ANO2: variants seen among roughly 807,000 people sequenced by gnomAD.
The protein encoded by ANO2 is anoctamin 2.
ANO2 carries 101 observed loss-of-function variants against 124.2 expected under a neutral mutation model. The ratio of observed to expected loss-of-function variants is 0.81; its 90% CI spans 0.69 to 0.96. The LOEUF is 0.96. Ranked by LOEUF, ANO2 falls within the 40% of genes least tolerant of loss-of-function variation. The probability of loss-of-function intolerance (pLI) is 0.00; values close to 1 mark genes in which losing one functional copy is unlikely to be tolerated. For missense variants in ANO2, 1,293 were observed against 1,274.5 expected (o/e 1.01, Z -0.22); for synonymous variants, 486 against 482.5 (o/e 1.01, Z -0.09).
At chr12:5,608,121 A>G (rs1331335304) in intron 19 of ANO2, among the ~76,000 whole-genome samples, 6 of 151,918 alleles carry the variant, frequency 3.9e-5, no homozygotes, top group African/African-American at 7.3e-5. Flanking sequence ...TATAATTTAC[A>G]TGACTCCTTC....
chr12:5,839,385 CCT>C (rs1468523544), intron 4 of ANO2, among the ~76,000 whole-genome samples: 1 of 152,106 alleles, frequency 6.6e-6, no homozygotes, highest in Non-Finnish European at 1.5e-5. Flanking sequence ...AGGAAAATTC[CCT>C]GATTCACAGG....
intron 3 of ANO2, among the ~76,000 whole-genome samples, chr12:5,909,923 A>C (rs559343638): frequency 2.3e-4 from 35 of 152,264 alleles, no homozygotes; most frequent in African/African-American, 5.3e-4. Flanking sequence ...AAATCTATGG[A>C]CCCTACTCAG....
At chr12:5,863,427 G>A (rs1955334067) in intron 3 of ANO2, among the ~76,000 whole-genome samples, 1 of 152,342 alleles carries the variant, frequency 6.6e-6, no homozygotes, top group East Asian at 1.9e-4. Flanking sequence ...TGGAGCCTGA[G>A]GACCAGGCCT....
chr12:5,700,423 TG>T (rs1949355841), intron 14 of ANO2, among the ~76,000 whole-genome samples: 2 of 152,178 alleles, frequency 1.3e-5, no homozygotes, highest in South Asian at 4.1e-4. Context: ...CCAGAATCTC[TG>T]GGAGACATTT....
intron 10 of ANO2, among the ~76,000 whole-genome samples, chr12:5,763,784 G>A (rs1430592840): frequency 1.3e-5 from 2 of 151,940 alleles, no homozygotes; most frequent in African/African-American, 2.4e-5. Context: ...GGGAAGAGGT[G>A]AAAATTCAAC....
At chr12:5,884,831 G>A (rs1161427931) in intron 3 of ANO2, among the ~76,000 whole-genome samples, 4 of 152,200 alleles carry the variant, frequency 2.6e-5, no homozygotes, top group Non-Finnish European at 4.4e-5. Context: ...GCATGATGAA[G>A]AAGGGCAAAC....
intron 14 of ANO2, 80 bp from the exon 15 acceptor site, chr12:5,647,881 C>T (rs1946728138): frequency 1.9e-6 from 2 of 1,043,046 alleles, no homozygotes; most frequent in Non-Finnish European, 2.9e-6. Flanking sequence ...CATATATTTG[C>T]ATGCGATTGA....
chr12:5,813,601 T>C (rs1689716980), intron 7 of ANO2, among the ~76,000 whole-genome samples: 1 of 152,130 alleles, frequency 6.6e-6, no homozygotes, highest in African/African-American at 2.4e-5. Context: ...CTTCCAACCA[T>C]CCTCACCAAC....
intron 10 of ANO2, among the ~76,000 whole-genome samples, chr12:5,764,299 G>T (rs1393840787): frequency 2.0e-5 from 3 of 152,208 alleles, no homozygotes; most frequent in Admixed American, 1.3e-4. Context: ...TGTCAATACA[G>T]TAATAGCAGC....
At chr12:5,851,901 A>G in intron 4 of ANO2, 2 of 728,220 alleles carry the variant, frequency 2.7e-6, no homozygotes, top group Non-Finnish European at 5.0e-6. Flanking sequence ...GGTTTCCCCT[A>G]AAAGGGTTAC....
At chr12:5,842,656 G>C (rs1591683258) in intron 4 of ANO2, among the ~76,000 whole-genome samples, 1 of 152,114 alleles carries the variant, frequency 6.6e-6, no homozygotes. Context: ...CACTGTTGTG[G>C]GTGCTGCTGA....
At chr12:5,924,944 T>C (rs1295783463) in intron 1 of ANO2, among the ~76,000 whole-genome samples, 1 of 152,194 alleles carries the variant, frequency 6.6e-6, no homozygotes, top group Non-Finnish European at 1.5e-5. Flanking sequence ...TTACATGTGA[T>C]GGGGCTCAGG....
Position 5,565,150 on chromosome 12 carries a change from A to G in ANO2, c.2727+408T>C, listed in dbSNP as rs541355254. Among the ~76,000 whole-genome samples the G allele has an allele frequency of 3.1e-3, 471 of 152,284 alleles. 2 individuals are homozygous for G. Among genetic ancestry groups the G allele is most frequent in the African/African-American group, 0.011 (454 of 41,552 alleles). ...AACACTAACAAAGGAGGGAGCCCAG[A>G]GTGCAAGAAGAAAGGTTCCAAACCT... On this transcript the variant is annotated intron_variant, in intron 24 of 24. Coordinates refer to ENST00000682330, the MANE Select transcript of ANO2 (RefSeq NM_001364791.2).
At chr12:5,694,284 A>AGAGAGAGAGAG (rs55758114) in intron 14 of ANO2, among the ~76,000 whole-genome samples, 5 of 150,816 alleles carry the variant, frequency 3.3e-5, no homozygotes, top group African/African-American at 7.3e-5. Flanking sequence ...AGAGAGAGAG[A>AGAGAGAGAGAG]ATAAAACAGA....
Position 5,573,714 on chromosome 12 carries a change from C to T in ANO2, c.2621+2120G>A, listed in dbSNP as rs570325282. On this transcript the variant is annotated intron_variant, in intron 23 of 24. Transcript: ENST00000682330. ...CTTTATAGGCCCAGATGCGAAAAAT[C>T]CTGAAACATCTAGGCTAATATAAAT... is the stretch of plus-strand genomic sequence containing the variant. Among the ~76,000 whole-genome samples, 3 of 152,304 alleles carry T rather than the reference C, an allele frequency of 2.0e-5. No individual in the cohort carries two copies. In the East Asian group the frequency reaches 5.8e-4, roughly 29 times the overall value.
intron 3 of ANO2, among the ~76,000 whole-genome samples, chr12:5,857,633 C>T (rs1176235409): frequency 6.6e-6 from 1 of 152,116 alleles, no homozygotes; most frequent in Non-Finnish European, 1.5e-5. Flanking sequence ...TGATGTTAAG[C>T]ATTTTTTCAT....
At chr12:5,612,547 A>T in intron 19 of ANO2, 109 bp downstream of exon 19, 1 of 871,338 alleles carries the variant, frequency 1.1e-6, no homozygotes, top group Non-Finnish European at 1.8e-6. Context: ...GAATTAAATC[A>T]CCAAGCTGTC....
chr12:5,693,175 G>C (rs2137016636), intron 14 of ANO2, among the ~76,000 whole-genome samples: 1 of 152,204 alleles, frequency 6.6e-6, no homozygotes, highest in East Asian at 1.9e-4. Context: ...CTAAATGTCA[G>C]TGACTCTCCA....
intron 16 of ANO2, among the ~76,000 whole-genome samples, chr12:5,620,329 C>T (rs1168818023): frequency 6.6e-6 from 1 of 152,194 alleles, no homozygotes; most frequent in Non-Finnish European, 1.5e-5. Context: ...ATTAAAGAGA[C>T]AGGCAGGGGT....
Sources: allele counts gnomAD v4.1 joint callset (sites outside exome capture counted in the v4.1 genomes callset), GRCh38; gene constraint gnomAD v4.1.1; transcripts MANE v1.5; gene names NCBI Gene and HGNC (gene_info 2026-07-23, HGNC 2026-07-21).